Variants in HPSE2 observed in about 807,000 individuals in gnomAD.
The protein encoded by HPSE2 is heparanase 2 (inactive).
HPSE2 carries 38 observed loss-of-function variants against 60.5 expected under a neutral mutation model. That is an observed-to-expected ratio of 0.63 (90% CI 0.48 to 0.82). HPSE2 has a LOEUF of 0.82. Ranked by LOEUF, HPSE2 falls within the 40% of genes least tolerant of loss-of-function variation. The pLI, the probability that HPSE2 is intolerant of heterozygous loss-of-function variation, is 0.00. For synonymous variants in HPSE2, 295 were observed against 293.2 expected, an observed-to-expected ratio of 1.01 and a Z score of -0.06; for missense variants, 713 against 740.4, an observed-to-expected ratio of 0.96 and a Z score of 0.43.
intron 6 of HPSE2, among the ~76,000 whole-genome samples, chr10:98,663,791 C>T (rs1205585554): frequency 6.6e-6 from 1 of 152,184 alleles, no homozygotes; most frequent in African/African-American, 2.4e-5. Context: ...GCCCCACAGG[C>T]CTTGGATCCT....
Position 99,000,922 on chromosome 10 carries a change from G to A in HPSE2, c.610+143316C>T, listed in dbSNP as rs1303325853. On this transcript the variant is annotated intron_variant, in intron 3 of 11. Transcript: ENST00000370552. ...GGTCAAATCCTGTCCTGTCCCCTGC[G>A]TGCACAGTGTTATATAGGATATTGG... Among the ~76,000 whole-genome samples, 11 of 152,002 alleles carry A rather than the reference G, an allele frequency of 7.2e-5. No homozygotes were observed. In the South Asian group the frequency reaches 8.3e-4, roughly 11 times the overall value.
At chr10:98,514,967 G>T (rs1057355148) in intron 9 of HPSE2, among the ~76,000 whole-genome samples, 1 of 151,546 alleles carries the variant, frequency 6.6e-6, no homozygotes, top group Admixed American at 6.6e-5. Flanking sequence ...CAGGCAATCC[G>T]CCCGCCTCGG....
chr10:98,546,247 C>T (rs1446111034), intron 9 of HPSE2, among the ~76,000 whole-genome samples: 1 of 138,464 alleles, frequency 7.2e-6, no homozygotes. Flanking sequence ...TTTATAGATT[C>T]AATGCCATCC....
chr10:98,464,271 T>A (rs946711614), intron 11 of HPSE2, among the ~76,000 whole-genome samples: 2 of 152,214 alleles, frequency 1.3e-5, no homozygotes, highest in Non-Finnish European at 2.9e-5. Context: ...AGGAATAGAT[T>A]TTGAAAGGAC....
intron 2 of HPSE2, among the ~76,000 whole-genome samples, chr10:99,181,116 C>T (rs1325345048): frequency 1.3e-5 from 2 of 151,966 alleles, no homozygotes; most frequent in East Asian, 1.9e-4. Flanking sequence ...AAGACACACG[C>T]GGCCGGGCGC....
chr10:98,721,801 C>T lies in HPSE2; in HGVS notation c.812G>A (p.Gly271Asp). Residue 271 changes from glycine to aspartate, a missense_variant, in exon 5 of 12, where the codon GGC becomes GAC. Physicochemically the swap from Gly to Asp is moderately conservative, Grantham distance 94 (BLOSUM62 -1). Transcript: ENST00000370552. ...NEPNNYRTMHGRAVNGSQLGK... is the reference protein window; with the variant it reads ...NEPNNYRTMHDRAVNGSQLGK... ...CAACTGGCTGCCATTTACTGCCCGG[C>T]CATGCATGGTCCGATAGTTATTTGG... 1 of 1,613,436 alleles carries T rather than the reference C, an allele frequency of 6.2e-7. No individual in the cohort carries two copies. Among genetic ancestry groups the T allele is most frequent in the Non-Finnish European group, 8.5e-7 (1 of 1,179,770 alleles).
intron 3 of HPSE2, among the ~76,000 whole-genome samples, chr10:99,035,393 G>A (rs1957587449): frequency 6.6e-6 from 1 of 152,142 alleles, no homozygotes; most frequent in Non-Finnish European, 1.5e-5. Context: ...ACTAGAAGGT[G>A]TTCAGGGGCA....
In HPSE2 at chr10:98,736,539, ATTAAC is replaced by A. The variant is rs755754306; in HGVS notation, c.784+7339_784+7343del. Among the ~76,000 whole-genome samples the A allele has an allele frequency of 3.3e-5, 5 of 152,320 alleles. No individual in the cohort carries two copies. In the East Asian group the frequency reaches 9.6e-4, roughly 29 times the overall value. On this transcript the variant is annotated intron_variant, in intron 4 of 11. Coordinates refer to ENST00000370552, the MANE Select transcript of HPSE2 (RefSeq NM_021828.5). ...CACTTCCCTTAATAATCAAAGGATA[ATTAAC>A]TTAAGTGCTTAAAAATGTAAGCTAT...
At chr10:99,072,349 CAG>C (rs890275800) in intron 3 of HPSE2, among the ~76,000 whole-genome samples, 50 of 44,330 alleles carry the variant, frequency 1.1e-3, no homozygotes, top group Non-Finnish European at 4.2e-3. Flanking sequence ...AAACTATCAT[CAG>C]AGCAAACAGG....
At chr10:99,183,114 A>C (rs1456488798) in intron 2 of HPSE2, among the ~76,000 whole-genome samples, 1 of 152,164 alleles carries the variant, frequency 6.6e-6, no homozygotes. Context: ...GCCTACAGAC[A>C]GTTTTCAGAC....
intron 3 of HPSE2, among the ~76,000 whole-genome samples, chr10:98,877,907 G>A (rs547226277): frequency 6.6e-5 from 10 of 151,902 alleles, no homozygotes; most frequent in African/African-American, 2.4e-4. Flanking sequence ...ACAAAACAAA[G>A]TCTTAGCCAA....
chr10:99,208,060 A>G (rs1204654447), intron 2 of HPSE2, among the ~76,000 whole-genome samples: 1 of 149,898 alleles, frequency 6.7e-6, no homozygotes, highest in Non-Finnish European at 1.5e-5. Context: ...ATAATAAAAT[A>G]GTATTATAAC....
intron 3 of HPSE2, among the ~76,000 whole-genome samples, chr10:98,946,413 C>T (rs935763350): frequency 6.7e-6 from 1 of 148,370 alleles, no homozygotes; most frequent in Non-Finnish European, 1.5e-5. Flanking sequence ...TTTTAGACTG[C>T]AGTAAGTCAT....
At chr10:99,092,801 C>A (rs1168159647) in intron 3 of HPSE2, among the ~76,000 whole-genome samples, 1 of 152,138 alleles carries the variant, frequency 6.6e-6, no homozygotes, top group African/African-American at 2.4e-5. Flanking sequence ...ACACCTAGGA[C>A]ATAGTAGACA....
At chr10:99,021,121 T>C (rs1468719084) in intron 3 of HPSE2, among the ~76,000 whole-genome samples, 1 of 152,160 alleles carries the variant, frequency 6.6e-6, no homozygotes, top group Non-Finnish European at 1.5e-5. Flanking sequence ...CCTGTCTCCA[T>C]AGGAGAGAAG....
the HPSE2 span, among the ~76,000 whole-genome samples, chr10:99,268,540 G>A: frequency 2.0e-5 from 3 of 151,418 alleles, no homozygotes; most frequent in Admixed American, 2.0e-4. Context: ...CAGCTACCTG[G>A]GAGGCTGAGG....
chr10:98,906,632 G>A (rs765648631), intron 3 of HPSE2, among the ~76,000 whole-genome samples: 1 of 152,230 alleles, frequency 6.6e-6, no homozygotes, highest in Admixed American at 6.5e-5. Flanking sequence ...TAGGCTGGGT[G>A]CAGTGGCTCA....
the HPSE2 span, among the ~76,000 whole-genome samples, chr10:99,253,968 T>C: frequency 6.6e-6 from 1 of 152,166 alleles, no homozygotes; most frequent in Non-Finnish European, 1.5e-5. Context: ...ACACTGTTGG[T>C]GAGAATGTAA....
chr10:99,119,096 A>AGAGGGAGG (rs1191415379), intron 3 of HPSE2, among the ~76,000 whole-genome samples: 38 of 117,914 alleles, frequency 3.2e-4, no homozygotes, highest in African/African-American at 1.2e-3. Flanking sequence ...AAAGAGAGAG[A>AGAGGGAGG]GAGGGAGGGA....
Sources: gnomAD v4.1 joint callset for allele counts (sites outside exome capture counted in the v4.1 genomes callset) on GRCh38, gnomAD v4.1.1 for gene constraint, MANE v1.5 for transcripts, NCBI Gene and HGNC (gene_info 2026-07-23, HGNC 2026-07-21) for gene names.